Variants in DAP observed in about 807,000 individuals in gnomAD.
The protein encoded by DAP is death associated protein.
In DAP, 8 loss-of-function variants were observed where a neutral mutation model predicts 13.8. The ratio of observed to expected loss-of-function variants is 0.58; its 90% CI spans 0.34 to 1.05. The LOEUF (loss-of-function observed/expected upper bound fraction) is 1.05. Ranked by LOEUF, DAP falls within the 50% of genes least tolerant of loss-of-function variation. The probability of loss-of-function intolerance (pLI) is 0.03; values close to 1 mark genes in which losing one functional copy is unlikely to be tolerated. For missense variants in DAP, 106 were observed against 133.2 expected (o/e 0.80, Z 1.01); for synonymous variants, 47 against 47.5 (o/e 0.99, Z 0.04).
intron 1 of DAP, among the ~76,000 whole-genome samples, chr5:10,756,088 C>T (rs1284230153): frequency 1.1e-5 from 1 of 91,436 alleles, no homozygotes; most frequent in Non-Finnish European, 2.3e-5. Flanking sequence ...GCCAAGGTTG[C>T]AGTGAGCCAA....
intron 2 of DAP, among the ~76,000 whole-genome samples, chr5:10,704,954 C>T (rs1009852266): frequency 2.0e-5 from 3 of 152,212 alleles, no homozygotes; most frequent in African/African-American, 7.2e-5. Context: ...GGTCTTCCTA[C>T]ACCTGTCGGA....
chr5:10,703,072 T>C (rs1039554413), intron 2 of DAP, among the ~76,000 whole-genome samples: 10 of 152,230 alleles, frequency 6.6e-5, no homozygotes, highest in African/African-American at 2.4e-4. Context: ...TTTAGTCATC[T>C]GCAAGTGAAT....
At chr5:10,755,499 C>T (rs867266357) in intron 1 of DAP, among the ~76,000 whole-genome samples, 30 of 152,152 alleles carry the variant, frequency 2.0e-4, no homozygotes, top group South Asian at 8.3e-4. Flanking sequence ...GACCCCAGCA[C>T]GGCGACCTAC....
intron 1 of DAP, among the ~76,000 whole-genome samples, chr5:10,759,215 T>G (rs1740277116): frequency 1.3e-5 from 2 of 152,324 alleles, no homozygotes; most frequent in Admixed American, 1.3e-4. Flanking sequence ...TTTATGGGTG[T>G]GTCTCTGTAT....
chr5:10,725,564 T>G (rs1340670722), intron 2 of DAP, among the ~76,000 whole-genome samples: 5 of 152,164 alleles, frequency 3.3e-5, no homozygotes, highest in Admixed American at 3.3e-4. Flanking sequence ...AGTTGACAAT[T>G]GGGGTAGAAG....
At chr5:10,723,129 A>T (rs1328268214) in intron 2 of DAP, among the ~76,000 whole-genome samples, 9 of 152,226 alleles carry the variant, frequency 5.9e-5, no homozygotes, top group African/African-American at 2.2e-4. Context: ...TTGCCATCAC[A>T]GTCTCCTCTA....
intron 2 of DAP, among the ~76,000 whole-genome samples, chr5:10,698,513 G>A (rs1435650568): frequency 1.3e-5 from 2 of 152,118 alleles, no homozygotes; most frequent in Admixed American, 1.3e-4. Context: ...GGCCCCTAAA[G>A]TTTGGGTTTC....
intron 2 of DAP, among the ~76,000 whole-genome samples, chr5:10,686,692 G>C (rs557868175): frequency 6.6e-6 from 1 of 152,304 alleles, no homozygotes; most frequent in East Asian, 1.9e-4. Context: ...AGCAGAGGTT[G>C]GTTCATGAGG....
chr5:10,713,590 T>C (rs966316709), intron 2 of DAP, among the ~76,000 whole-genome samples: 1 of 152,164 alleles, frequency 6.6e-6, no homozygotes, highest in Non-Finnish European at 1.5e-5. Flanking sequence ...TGAAGTGTTT[T>C]CCACAATCAC....
chr5:10,705,930 C>A (rs897018708), intron 2 of DAP, among the ~76,000 whole-genome samples: 5 of 152,206 alleles, frequency 3.3e-5, no homozygotes, highest in Non-Finnish European at 5.9e-5. Context: ...GCCCCTGAAT[C>A]ATGTGAGAGC....
At chr5:10,758,216 T>G (rs1740242720) in intron 1 of DAP, among the ~76,000 whole-genome samples, 1 of 151,940 alleles carries the variant, frequency 6.6e-6, no homozygotes, top group African/African-American at 2.4e-5. Flanking sequence ...CTTTTTTTTT[T>G]TTTTTTAAAA....
intron 2 of DAP, among the ~76,000 whole-genome samples, chr5:10,692,618 C>T (rs1372640113): frequency 6.6e-6 from 1 of 152,180 alleles, no homozygotes; most frequent in African/African-American, 2.4e-5. Context: ...AATTCCTTCA[C>T]TCTCTCAGCT....
intron 2 of DAP, among the ~76,000 whole-genome samples, chr5:10,735,094 C>T (rs1739573981): frequency 6.6e-6 from 1 of 152,138 alleles, no homozygotes; most frequent in African/African-American, 2.4e-5. Context: ...CTCAATATAT[C>T]CCAAGTGCCT....
chr5:10,717,548 C>T (rs1032013967), intron 2 of DAP, among the ~76,000 whole-genome samples: 1 of 152,188 alleles, frequency 6.6e-6, no homozygotes, highest in Admixed American at 6.5e-5. Flanking sequence ...CATGCTGCCA[C>T]CAGCCTTTGC....
chr5:10,733,657 G>A (rs1739530387), intron 2 of DAP: 1 of 152,138 alleles, frequency 6.6e-6, no homozygotes, highest in African/African-American at 2.4e-5. Flanking sequence ...AAAAATCAAA[G>A]TAAACACCTG....
intron 2 of DAP, among the ~76,000 whole-genome samples, chr5:10,706,324 C>T (rs1032209647): frequency 1.3e-5 from 2 of 152,280 alleles, no homozygotes; most frequent in East Asian, 1.9e-4. Flanking sequence ...ATCTTCACAA[C>T]AGTCAGCTTA....
chr5:10,724,521 T>C (rs1050069467), intron 2 of DAP, among the ~76,000 whole-genome samples: 5 of 152,174 alleles, frequency 3.3e-5, no homozygotes, highest in African/African-American at 4.8e-5. Context: ...CCAGGAGCAA[T>C]AGGCCAGCAC....
At chr5:10,687,628 T>G (rs1174713416) in intron 2 of DAP, among the ~76,000 whole-genome samples, 1 of 152,054 alleles carries the variant, frequency 6.6e-6, no homozygotes, top group African/African-American at 2.4e-5. Context: ...GGATGAGGAG[T>G]TGCTTCTCAT....
At position 10,761,173 on chromosome 5, in the gene DAP, G is replaced by C; in HGVS notation, c.-105C>G. On this transcript the variant is annotated 5_prime_UTR_variant, in exon 1 of 4. Transcript: ENST00000230895. ...TGAGCGCCGGGGAGCGAGCGGGCGGGAGAACGACGCGCGCGCGTGGGGCGC... is the reference window on the plus strand; with the variant it reads ...TGAGCGCCGGGGAGCGAGCGGGCGGCAGAACGACGCGCGCGCGTGGGGCGC... 1.7e-6 allele frequency: 1 copy of C among 598,850 alleles called. No individual in the cohort carries two copies. Among genetic ancestry groups the C allele is most frequent in the Non-Finnish European group, 2.3e-6 (1 of 433,858 alleles). 37.1% of individuals were successfully genotyped at this position (598,850 alleles called of 1,614,324 possible).
Sources: allele counts gnomAD v4.1 joint callset (sites outside exome capture counted in the v4.1 genomes callset), GRCh38; gene constraint gnomAD v4.1.1; transcripts MANE v1.5; gene names NCBI Gene and HGNC (gene_info 2026-07-23, HGNC 2026-07-21).